Variants in PODN observed in about 807,000 individuals in gnomAD.
PODN encodes podocan, also known as podocan proteoglycan.
In PODN, 40 loss-of-function variants were observed where a neutral mutation model predicts 52.7. That is an observed-to-expected ratio of 0.76 (90% confidence interval 0.59 to 0.99). PODN has a LOEUF of 0.99. PODN is among the 50% of genes least tolerant of loss of function. The pLI is 0.00. For missense variants in PODN, 720 were observed against 815.1 expected (o/e 0.88, Z 1.42); for synonymous variants, 396 against 377.9 (o/e 1.05, Z -0.56).
chr1:53,074,733 G>A (rs1226468283), intron 4 of PODN, 63 bp downstream of exon 4: 2 of 1,545,066 alleles, frequency 1.3e-6, no homozygotes, highest in Non-Finnish European at 8.9e-7. Context: ...TCTTCCCTGA[G>A]TTCCATGAAC....
At chr1:53,063,707 C>A (rs531886067) in intron 1 of PODN, 1 of 445,238 alleles carries the variant, frequency 2.2e-6, no homozygotes, top group Non-Finnish European at 3.0e-6. Context: ...CAGAGTCACA[C>A]GACTGTTTTC....
At chr1:53,066,645 C>T (rs546538909) in intron 1 of PODN, among the ~76,000 whole-genome samples, 84 of 152,264 alleles carry the variant, frequency 5.5e-4, no homozygotes, top group South Asian at 1.2e-3. Context: ...GGGAGAGCAG[C>T]GTAGCATTGT....
Position 53,075,941 on chromosome 1 carries a change from G to T in PODN, c.551G>T (p.Gly184Val). The stretch of plus-strand genomic sequence containing the variant: ...GCCAACTATCTCACCAAGATCTATG[G>T]GCTCACCTTTGGCCAGAAGCCAAAC... ...FAANYLTKIY[G>V]LTFGQKPNLR... The change falls in exon 5 of 11, where the codon GGG becomes GTG. Residue 184 changes from glycine (G) to valine (V), a missense_variant. Coordinates refer to ENST00000312553, the MANE Select transcript of PODN (RefSeq NM_153703.5). 6.2e-7 allele frequency: 1 copy of T among 1,601,956 alleles called. No individual in the cohort carries two copies. The highest frequency in any genetic ancestry group is 1.1e-5 in the South Asian group (1 of 89,074).
chr1:53,074,133 G>C lies in PODN; in HGVS notation c.407-473G>C, dbSNP rs372732313. Among the ~76,000 whole-genome samples the C allele has an allele frequency of 1.2e-3, 183 of 152,316 alleles. 3 individuals carry two copies. The highest frequency in any genetic ancestry group is 4.2e-3 in the African/African-American group (176 of 41,570). On this transcript the variant is annotated intron_variant, in intron 3 of 10. Coordinates refer to ENST00000312553, the MANE Select transcript of PODN (RefSeq NM_153703.5). ...CAGAGGCCAGCCTGGCAGGGCTCCCGGTAGCAGCCGAGTCCTGACACATCT... is the reference window on the plus strand; with the variant it reads ...CAGAGGCCAGCCTGGCAGGGCTCCCCGTAGCAGCCGAGTCCTGACACATCT...
intron 1 of PODN, chr1:53,063,288 G>A: frequency 1.1e-6 from 1 of 911,710 alleles, no homozygotes; most frequent in Non-Finnish European, 1.3e-6. Flanking sequence ...TGACTGAGCT[G>A]GTCCGGGAGG....
At chr1:53,068,909 C>T (rs777595279) in intron 1 of PODN, among the ~76,000 whole-genome samples, 1 of 152,148 alleles carries the variant, frequency 6.6e-6, no homozygotes, top group Non-Finnish European at 1.5e-5. Context: ...TGGTCTCTGG[C>T]AGGTGGCAGT....
chr1:53,068,595 A>G (rs987525747), intron 1 of PODN, among the ~76,000 whole-genome samples: 1 of 152,204 alleles, frequency 6.6e-6, no homozygotes, highest in Non-Finnish European at 1.5e-5. Context: ...TACTCCACAG[A>G]AGCTGTGTGT....
Position 53,062,277 on chromosome 1 carries a change from G to C in PODN, c.-87G>C. 4.0e-6 allele frequency: 5 copies of C among 1,265,686 alleles called. No homozygotes were observed. The highest frequency in any genetic ancestry group is 4.0e-6 in the Non-Finnish European group (4 of 998,756). The allele number at this position is 1,265,686 out of a possible 1,614,324, so 78.4% of individuals were successfully genotyped here. ...GAGACTGGGGGAGCGCGTTCGGCCTGTGGGGCGCCGCTCGGCGCCGGGGCG... is the reference window on the plus strand; with the variant it reads ...GAGACTGGGGGAGCGCGTTCGGCCTCTGGGGCGCCGCTCGGCGCCGGGGCG... On this transcript the variant is annotated 5_prime_UTR_variant, in exon 1 of 11. Coordinates refer to ENST00000312553, the MANE Select transcript of PODN (RefSeq NM_153703.5).
At chr1:53,067,631 G>A (rs1196938534) in intron 1 of PODN, among the ~76,000 whole-genome samples, 2 of 152,132 alleles carry the variant, frequency 1.3e-5, no homozygotes, top group Non-Finnish European at 2.9e-5. Context: ...AAGCCCAAAC[G>A]AAGGTCCAGG....
In PODN at chr1:53,077,208, C is replaced by G; in HGVS notation, c.600C>G (p.Asn200Lys). 6.2e-7 allele frequency: 1 copy of G among 1,613,312 alleles called. No homozygotes were observed. Among genetic ancestry groups the G allele is most frequent in the Non-Finnish European group, 8.5e-7 (1 of 1,179,974 alleles). The stretch of plus-strand genomic sequence containing the variant: ...CCCCCAGGTCTGTGTACCTGCACAA[C>G]AACAAGCTGGCAGACGCCGGGCTGC... ...KPNLRSVYLH[N>K]NKLADAGLPD... is the part of the protein sequence containing the mutation. Residue 200 changes from asparagine (N) to lysine (K), a missense_variant, in exon 6 of 11, where the codon AAC becomes AAG. Physicochemically the swap from Asn to Lys is moderately conservative, Grantham distance 94 (BLOSUM62 0). Transcript: ENST00000312553.
At chr1:53,065,753 C>T (rs1644023152) in intron 1 of PODN, among the ~76,000 whole-genome samples, 1 of 152,170 alleles carries the variant, frequency 6.6e-6, no homozygotes. Context: ...CTTTTTGTAT[C>T]ACTCCTAGTC....
intron 1 of PODN, among the ~76,000 whole-genome samples, chr1:53,067,974 A>T (rs1229954782): frequency 1.3e-5 from 2 of 151,904 alleles, no homozygotes; most frequent in Non-Finnish European, 2.9e-5. Flanking sequence ...AGGGAAGGAA[A>T]AGGAGCAGCA....
At chr1:53,066,845 G>T in intron 1 of PODN, 5 of 1,549,902 alleles carry the variant, frequency 3.2e-6, no homozygotes, top group Non-Finnish European at 4.4e-6. Context: ...AATGGAAGGC[G>T]AGGAGGCAGA....
Position 53,079,694 on chromosome 1 carries a change from G to A in PODN, c.1512+672G>A, listed in dbSNP as rs546784710. ...GGTAACAAAACCCCCAACTCAACCA[G>A]TGTGGGTGAAAGAGAAATCCACTCT... On this transcript the variant is annotated intron_variant, in intron 8 of 10. Transcript: ENST00000312553. Among the ~76,000 whole-genome samples, 36 of 152,302 alleles carry A rather than the reference G, an allele frequency of 2.4e-4. No homozygotes were observed. In the South Asian group the frequency reaches 7.2e-3, roughly 31 times the overall value.
intron 10 of PODN, among the ~76,000 whole-genome samples, chr1:53,083,791 C>G (rs1383474469): frequency 6.6e-6 from 1 of 151,904 alleles, no homozygotes; most frequent in Admixed American, 6.6e-5. Flanking sequence ...TGGGCAGGGA[C>G]TCAGAGAAAG....
At chr1:53,071,309 G>A in intron 2 of PODN, 1 of 469,016 alleles carries the variant, frequency 2.1e-6, no homozygotes. Context: ...TGGGCTCCCT[G>A]AAGGCAGGAC....
intron 1 of PODN, among the ~76,000 whole-genome samples, chr1:53,062,919 C>A (rs1278581907): frequency 1.3e-5 from 2 of 152,230 alleles, no homozygotes; most frequent in African/African-American, 4.8e-5. Context: ...AGCTAAAGGT[C>A]TCAGCTGGCG....
chr1:53,062,868 C>G (rs546541703), intron 1 of PODN, among the ~76,000 whole-genome samples: 1 of 152,250 alleles, frequency 6.6e-6, no homozygotes, highest in Non-Finnish European at 1.5e-5. Context: ...TCGGCTTCCC[C>G]GGCCACTGTG....
In PODN at chr1:53,069,821, C is replaced by T. The variant is rs41313375; in HGVS notation, c.-35C>T. On this transcript the variant is annotated 5_prime_UTR_variant, in exon 2 of 11. Transcript: ENST00000312553. ...CACAGGTTCCGTCAGCCCTGGCGCC[C>T]AGGCGCATCTGACTCGGCACCCCCT... 5 of 1,582,492 alleles carry T rather than the reference C, an allele frequency of 3.2e-6. No individual in the cohort carries two copies. The highest frequency in any genetic ancestry group is 1.1e-5 in the South Asian group (1 of 86,982).
Sources: allele counts gnomAD v4.1 joint callset (sites outside exome capture counted in the v4.1 genomes callset), GRCh38; gene constraint gnomAD v4.1.1; transcripts MANE v1.5; gene names NCBI Gene and HGNC (gene_info 2026-07-23, HGNC 2026-07-21).